The following ADCY9 variants were observed in gnomAD, a reference collection of about 807,000 sequenced individuals.
The protein encoded by ADCY9 is adenylate cyclase 9, also known as adenylate cyclase type 9.
ADCY9 carries 50 observed loss-of-function variants against 101.5 expected under a neutral mutation model. That is an observed-to-expected ratio of 0.49 (90% CI 0.39 to 0.62). The LOEUF (loss-of-function observed/expected upper bound fraction) is 0.62. Among genes scored for constraint, ADCY9 ranks in the 20% least tolerant of loss-of-function variants. The probability of loss-of-function intolerance (pLI) is 0.00; values close to 1 mark genes in which losing one functional copy is unlikely to be tolerated. For synonymous variants in ADCY9, 905 were observed against 769.3 expected, an observed-to-expected ratio of 1.18 and a Z score of -2.92; for missense variants, 1,662 against 1,800.4, an observed-to-expected ratio of 0.92 and a Z score of 1.39.
At chr16:4,082,517 C>T (rs1226508754) in intron 2 of ADCY9, among the ~76,000 whole-genome samples, 1 of 152,220 alleles carries the variant, frequency 6.6e-6, no homozygotes, top group African/African-American at 2.4e-5. Flanking sequence ...AAGCCTGATT[C>T]TGCTTGGGGT....
chr16:3,968,687 G>T (rs2056020821), intron 10 of ADCY9, among the ~76,000 whole-genome samples: 1 of 152,130 alleles, frequency 6.6e-6, no homozygotes, highest in Non-Finnish European at 1.5e-5. Context: ...CTGGGCCCGA[G>T]TCTGTCTTTT....
At chr16:3,975,641 G>A (rs2056086990) in intron 9 of ADCY9, among the ~76,000 whole-genome samples, 1 of 152,200 alleles carries the variant, frequency 6.6e-6, no homozygotes, top group African/African-American at 2.4e-5. Context: ...AACTCAGGGA[G>A]CCAGAATGTT....
At chr16:4,113,201 C>T (rs113559535) in intron 2 of ADCY9, among the ~76,000 whole-genome samples, 2,781 of 151,596 alleles carry the variant, frequency 0.018, 44 homozygotes, top group Non-Finnish European at 0.031. Context: ...AGATAAAAGA[C>T]AGTGTGTACT....
chr16:4,041,241 G>A lies in ADCY9; in HGVS notation c.1694-33683C>T, dbSNP rs528225841. Among the ~76,000 whole-genome samples, 8 of 152,206 alleles carry A rather than the reference G, an allele frequency of 5.3e-5. No individual in the cohort carries two copies. The East Asian group carries it at 9.7e-4, about 18-fold the overall frequency. On this transcript the variant is annotated intron_variant, in intron 2 of 10. Transcript: ENST00000294016. Reference sequence around the variant, plus strand: ...ACTTGGGCTGGGCATGGTGGCTCACGCCTGTAATCCCAGCACTGTGGGAGG... The same window carrying A: ...ACTTGGGCTGGGCATGGTGGCTCACACCTGTAATCCCAGCACTGTGGGAGG...
chr16:4,009,160 C>T (rs887130617), intron 2 of ADCY9, among the ~76,000 whole-genome samples: 3 of 152,138 alleles, frequency 2.0e-5, no homozygotes, highest in South Asian at 2.1e-4. Flanking sequence ...CCTAGAAACA[C>T]GTAAAGACAG....
At chr16:3,976,357 C>T (rs1277066779) in intron 9 of ADCY9, among the ~76,000 whole-genome samples, 1 of 152,200 alleles carries the variant, frequency 6.6e-6, no homozygotes, top group African/African-American at 2.4e-5. Context: ...AGGGATCTTA[C>T]TGGATGTCGC....
At chr16:4,100,362 C>T (rs938769920) in intron 2 of ADCY9, among the ~76,000 whole-genome samples, 1 of 152,104 alleles carries the variant, frequency 6.6e-6, no homozygotes, top group African/African-American at 2.4e-5. Context: ...TGGGGTCTCA[C>T]TCTGTTGCCC....
intron 2 of ADCY9, among the ~76,000 whole-genome samples, chr16:4,057,038 G>GCCCCCCCCCCCCCCCCC (rs375745334): frequency 2.4e-5 from 2 of 83,514 alleles, no homozygotes; most frequent in African/African-American, 1.1e-4. Context: ...TGATGAAACC[G>GCCCCCCCCCCCCCCCCC]CCCCCCCCCC....
chr16:4,097,487 T>TATATACAC (rs76750792), intron 2 of ADCY9, among the ~76,000 whole-genome samples: 24 of 72,484 alleles, frequency 3.3e-4, no homozygotes, highest in East Asian at 3.0e-3. Context: ...TATATATATA[T>TATATACAC]ACACACACAC....
intron 2 of ADCY9, among the ~76,000 whole-genome samples, chr16:4,110,061 C>G (rs970006720): frequency 1.3e-5 from 2 of 152,184 alleles, no homozygotes; most frequent in Non-Finnish European, 2.9e-5. Context: ...GATCTCAGGA[C>G]CCAGCTCCAG....
chr16:3,974,999 G>A (rs2141680349), intron 9 of ADCY9, among the ~76,000 whole-genome samples: 1 of 152,284 alleles, frequency 6.6e-6, no homozygotes, highest in South Asian at 2.1e-4. Flanking sequence ...CAAGTGGATG[G>A]AGGAGTTCTG....
At chr16:4,087,728 T>C (rs570172641) in intron 2 of ADCY9, among the ~76,000 whole-genome samples, 5 of 151,810 alleles carry the variant, frequency 3.3e-5, no homozygotes, top group African/African-American at 9.7e-5. Context: ...TACTATTTGC[T>C]CGGATACTAC....
chr16:4,070,020 C>T (rs552297698), intron 2 of ADCY9, among the ~76,000 whole-genome samples: 7 of 152,122 alleles, frequency 4.6e-5, no homozygotes, highest in Non-Finnish European at 1.0e-4. Flanking sequence ...ATTGCTTGAA[C>T]CCGGGAGGCA....
At chr16:3,969,606 ATAT>A (rs2141674720) in intron 10 of ADCY9, among the ~76,000 whole-genome samples, 1 of 67,830 alleles carries the variant, frequency 1.5e-5, no homozygotes, top group African/African-American at 9.1e-5. Flanking sequence ...ATATATATAT[ATAT>A]GTATTTTTTT....
intron 2 of ADCY9, among the ~76,000 whole-genome samples, chr16:4,051,106 G>A (rs1362236640): frequency 6.6e-6 from 1 of 152,088 alleles, no homozygotes; most frequent in Non-Finnish European, 1.5e-5. Flanking sequence ...CCAGCTACAT[G>A]GGAGGCTGAG....
chr16:4,050,852 G>A (rs1476791146), intron 2 of ADCY9, among the ~76,000 whole-genome samples: 1 of 152,136 alleles, frequency 6.6e-6, no homozygotes, highest in African/African-American at 2.4e-5. Flanking sequence ...AGGAACCAGG[G>A]CTTATTGGAG....
intron 2 of ADCY9, among the ~76,000 whole-genome samples, chr16:4,011,447 A>C (rs1276156827): frequency 6.6e-6 from 1 of 152,148 alleles, no homozygotes; most frequent in Admixed American, 6.5e-5. Context: ...GAGCCGGTGG[A>C]AATGCCAGCC....
intron 2 of ADCY9, among the ~76,000 whole-genome samples, chr16:4,034,077 C>G (rs958896401): frequency 6.6e-6 from 1 of 152,114 alleles, no homozygotes; most frequent in African/African-American, 2.4e-5. Context: ...CTGATGGCTG[C>G]CGTGCGCCAA....
chr16:3,991,234 C>G (rs2056241150), intron 5 of ADCY9, among the ~76,000 whole-genome samples: 1 of 152,158 alleles, frequency 6.6e-6, no homozygotes, highest in African/African-American at 2.4e-5. Flanking sequence ...GCTTATTAGT[C>G]ATAAGAGGAA....
Sources: gnomAD v4.1 joint callset for allele counts (sites outside exome capture counted in the v4.1 genomes callset) on GRCh38, gnomAD v4.1.1 for gene constraint, MANE v1.5 for transcripts, NCBI Gene and HGNC (gene_info 2026-07-23, HGNC 2026-07-21) for gene names.